SELENOO: variants seen among roughly 807,000 people sequenced by gnomAD.
SELENOO encodes protein adenylyltransferase SelO, mitochondrial.
A neutral mutation model predicts 58.7 loss-of-function variants in SELENOO; 74 were observed. That is an observed-to-expected ratio of 1.26 (90% CI 1.04 to 1.53). The LOEUF (loss-of-function observed/expected upper bound fraction) is 1.53, where lower values mean the gene tolerates loss of function less well. SELENOO is among the 40% of genes most tolerant of loss of function. The probability of loss-of-function intolerance (pLI) is 0.00; values close to 1 mark genes in which losing one functional copy is unlikely to be tolerated. For synonymous variants in SELENOO, 543 were observed against 453.2 expected (o/e 1.20, Z -2.52); for missense variants, 1,149 against 970.0 (o/e 1.18, Z -2.45).
Position 50,206,191 on chromosome 22 carries a change from C to T in SELENOO, c.555-126C>T, listed in dbSNP as rs947464569. On this transcript the variant is annotated intron_variant, in intron 1 of 8. Coordinates refer to ENST00000380903, the MANE Select transcript of SELENOO (RefSeq NM_031454.2). Reference sequence around the variant, plus strand: ...GGCACCTGATGTCACCTGGGACGGGCGGTTTTCAGGGACGTGCAAGCTGCT... The same window carrying T: ...GGCACCTGATGTCACCTGGGACGGGTGGTTTTCAGGGACGTGCAAGCTGCT... 5.3e-6 allele frequency: 4 copies of T among 750,606 alleles called. No individual in the cohort carries two copies. The African/African-American group carries it at 6.9e-5, about 13-fold the overall frequency. 46.5% of individuals were successfully genotyped at this position (750,606 alleles called of 1,614,324 possible). A position where few individuals can be genotyped will look rare whatever the true frequency, so the allele number is the denominator to read the frequency against.
In SELENOO at chr22:50,217,427, T is replaced by A. The variant is rs551050660; in HGVS notation, c.*58T>A. The A allele has an allele frequency of 1.9e-6, 3 of 1,582,196 alleles. No individual in the cohort carries two copies. The highest frequency in any genetic ancestry group is 2.3e-5 in the South Asian group (2 of 87,966). The stretch of plus-strand genomic sequence containing the variant: ...CCCGAGGCCCCCATGTGCTGCTGAG[T>A]GGCCAAGATGATGCCAGGCTGCCCT... On this transcript the variant is annotated 3_prime_UTR_variant, in exon 9 of 9. Transcript: ENST00000380903.
rs1273345458 is a variant in SELENOO at position 50,210,668 on chromosome 22, A to G, written c.1108A>G (p.Thr370Ala). 6.2e-7 allele frequency: 1 copy of G among 1,612,708 alleles called. No homozygotes were observed. The highest frequency in any genetic ancestry group is 1.3e-5 in the African/African-American group (1 of 74,866). ...PDHVCNASDN[T>A]GRYAYSKQPE... ...CCACGTGTGCAATGCCTCCGACAAC[A>G]CCGGCCGCTACGCGTACAGCAAGCA... Residue 370 changes from threonine (T) to alanine (A), a missense_variant, in exon 5 of 9, where the codon ACC (threonine) becomes GCC (alanine). By Grantham distance (58) the Thr-to-Ala change is moderately conservative (BLOSUM62 0). Transcript: ENST00000380903.
chr22:50,206,328 G>A lies in SELENOO; in HGVS notation c.566G>A (p.Gly189Asp), dbSNP rs746676934. The A allele has an allele frequency of 5.6e-6, 9 of 1,613,768 alleles. No individual in the cohort carries two copies. The highest frequency in any genetic ancestry group is 7.6e-6 in the Non-Finnish European group (9 of 1,179,996). Residue 189 changes from glycine to aspartate, a missense_variant, in exon 2 of 9, where the codon GGT becomes GAT. Coordinates refer to ENST00000380903, the MANE Select transcript of SELENOO (RefSeq NM_031454.2). ...GPTPFSRQAD[G>D]RKVLRSSIRE... ...GTGTTTGGTTTCAGACAGGCCGACG[G>A]TCGCAAGGTCCTACGGTCAAGCATC... is the stretch of plus-strand genomic sequence containing the variant.
At chr22:50,216,253 T>TTTAAC (rs1352130847) in intron 6 of SELENOO, among the ~76,000 whole-genome samples, 3 of 152,210 alleles carry the variant, frequency 2.0e-5, no homozygotes, top group East Asian at 3.8e-4. Flanking sequence ...ATATTGTTGC[T>TTTAAC]TTAACTTAAA....
chr22:50,201,426 G>C lies in SELENOO; in HGVS notation c.390G>C (p.Leu130=), dbSNP rs2064299465. The change falls in exon 1 of 9, where the codon CTG becomes CTC. Residue 130 remains leucine (L), a synonymous_variant. Coordinates refer to ENST00000380903, the MANE Select transcript of SELENOO (RefSeq NM_031454.2). ...TGTTCTTCAGCGGCAACGCGCTCCT[G>C]CCGGGCGCCGAGCCCGCCGCGCACT... ...AALFFSGNAL[L]PGAEPAAHCY... 1 of 1,369,024 alleles carries C rather than the reference G, an allele frequency of 7.3e-7. No homozygotes were observed. The highest frequency in any genetic ancestry group is 3.0e-5 in the Admixed American group (1 of 33,266). 84.8% of individuals were successfully genotyped at this position (1,369,024 alleles called of 1,614,324 possible). A position where few individuals can be genotyped will look rare whatever the true frequency, so the allele number is the denominator to read the frequency against.
At chr22:50,208,877 C>T (rs936440218) in intron 3 of SELENOO, 161 bp downstream of exon 3, 29 of 665,514 alleles carry the variant, frequency 4.4e-5, no homozygotes, top group Admixed American at 2.4e-4. Flanking sequence ...CATGTGTGCT[C>T]GGGCCCTGGG....
Position 50,217,211 on chromosome 22 carries a change from C to G in SELENOO, c.1852C>G (p.Arg618Gly). 1.2e-6 allele frequency: 2 copies of G among 1,611,250 alleles called. No homozygotes were observed. Among genetic ancestry groups the G allele is most frequent in the South Asian group, 1.1e-5 (1 of 91,004 alleles). Residue 618 changes from arginine to glycine, a missense_variant, in exon 9 of 9, where the codon CGG becomes GGG. By Grantham distance (125) the Arg-to-Gly change is moderately radical (BLOSUM62 -2). Transcript: ENST00000380903. ...AERGDFSEVR[R>G]VLKLLETPYH... The stretch of plus-strand genomic sequence containing the variant: ...CACCCTCCTGATCCTCCAGGTGCGG[C>G]GGGTGCTGAAACTACTGGAGACCCC...
chr22:50,211,455 A>T (rs1271322085), intron 5 of SELENOO, among the ~76,000 whole-genome samples: 1 of 152,182 alleles, frequency 6.6e-6, no homozygotes, highest in African/African-American at 2.4e-5. Context: ...TGAGATGGGC[A>T]TTCTTTTCTT....
At chr22:50,202,970 G>A (rs952288201) in intron 1 of SELENOO, among the ~76,000 whole-genome samples, 1 of 152,210 alleles carries the variant, frequency 6.6e-6, no homozygotes, top group East Asian at 1.9e-4. Flanking sequence ...CTTGTTCGTG[G>A]GTTGGATAAC....
At chr22:50,207,333 A>G (rs1162988252) in intron 2 of SELENOO, among the ~76,000 whole-genome samples, 3 of 152,080 alleles carry the variant, frequency 2.0e-5, no homozygotes. Flanking sequence ...CATGTTGGCC[A>G]GGCTGGTCTC....
Position 50,215,823 on chromosome 22 carries a change from C to T in SELENOO, c.1458C>T (p.Ser486=), listed in dbSNP as rs1401904466. Residue 486 remains serine, a synonymous_variant, in exon 6 of 9, where the codon TCC becomes TCT. Coordinates refer to ENST00000380903, the MANE Select transcript of SELENOO (RefSeq NM_031454.2). ...CCAGGCTGATGGAGCAGTGTGCCTC[C>T]CTGGAGGAGCTGAGGCTGGCCTTCC... ...FLARLMEQCA[S]LEELRLAFRP... The T allele has an allele frequency of 3.7e-6, 6 of 1,612,254 alleles. No homozygotes were observed. Among genetic ancestry groups the T allele is most frequent in the Middle Eastern group, 1.7e-4 (1 of 5,986 alleles).
chr22:50,217,046 A>G lies in SELENOO; in HGVS notation c.1763A>G (p.His588Arg). The G allele has an allele frequency of 6.2e-7, 1 of 1,612,550 alleles. No individual in the cohort carries two copies. The highest frequency in any genetic ancestry group is 8.5e-7 in the Non-Finnish European group (1 of 1,179,956). ...CAGGCTGAGCACGTGCGCGTGATGC[A>G]CGCCAACAACCCGAAGTACGTGCTG... Reference protein sequence around the residue: ...AWQAEHVRVMHANNPKYVLRN... With the variant: ...AWQAEHVRVMRANNPKYVLRN... The change falls in exon 8 of 9, where the codon CAC becomes CGC. Residue 588 changes from histidine (H) to arginine (R), a missense_variant. His to Arg is a conservative substitution (Grantham distance 29). Transcript: ENST00000380903.
chr22:50,214,165 T>C (rs928305804), intron 5 of SELENOO, among the ~76,000 whole-genome samples: 1 of 151,318 alleles, frequency 6.6e-6, no homozygotes, highest in Non-Finnish European at 1.5e-5. Context: ...TGAGGGTGGA[T>C]GTGTCTCACT....
At chr22:50,204,978 A>C (rs1741573129) in intron 1 of SELENOO, among the ~76,000 whole-genome samples, 1 of 152,268 alleles carries the variant, frequency 6.6e-6, no homozygotes, top group African/African-American at 2.4e-5. Flanking sequence ...GCAGTGAAAT[A>C]AGCTGGTCAC....
At chr22:50,204,758 C>T (rs922731998) in intron 1 of SELENOO, among the ~76,000 whole-genome samples, 3 of 152,192 alleles carry the variant, frequency 2.0e-5, no homozygotes, top group Non-Finnish European at 2.9e-5. Context: ...AATTAAATCA[C>T]CACATGATTC....
In SELENOO at chr22:50,217,337, G is replaced by A; in HGVS notation, c.1978G>A (p.Ala660Thr). The A allele has an allele frequency of 6.2e-7, 1 of 1,612,902 alleles. No homozygotes were observed. Among genetic ancestry groups the A allele is most frequent in the Non-Finnish European group, 8.5e-7 (1 of 1,179,940 alleles). Residue 660 changes from alanine (A) to threonine (T), a missense_variant, in exon 9 of 9, where the codon GCA (alanine) becomes ACA (threonine). Physicochemically the swap from Ala to Thr is moderately conservative, Grantham distance 58 (BLOSUM62 0). Coordinates refer to ENST00000380903, the MANE Select transcript of SELENOO (RefSeq NM_031454.2). ...CTACAGCAGTAAGCCCCCGCTCTGG[G>A]CAGCAGAACTGTGCGTGACATGATC... ...RSYSSKPPLW[A>T]AELCVTUSS
intron 1 of SELENOO, 184 bp from the exon 2 acceptor site, chr22:50,206,133 T>C (rs1175367454): frequency 3.1e-5 from 19 of 603,970 alleles, no homozygotes; most frequent in Non-Finnish European, 5.0e-5. Context: ...GGCTGTGAGG[T>C]TGCTGGAACT....
chr22:50,213,688 C>T (rs1181520047), intron 5 of SELENOO, among the ~76,000 whole-genome samples: 3 of 152,150 alleles, frequency 2.0e-5, no homozygotes, highest in Non-Finnish European at 4.4e-5. Flanking sequence ...TGCTCTGTCA[C>T]CCAGGCTGGA....
intron 5 of SELENOO, among the ~76,000 whole-genome samples, chr22:50,215,210 ACTC>A (rs1466871441): frequency 3.9e-5 from 6 of 151,988 alleles, no homozygotes; most frequent in African/African-American, 1.5e-4. Context: ...GCTTCTCAAC[ACTC>A]GCTAGCTCCC....
Sources: allele counts gnomAD v4.1 joint callset (sites outside exome capture counted in the v4.1 genomes callset), GRCh38; gene constraint gnomAD v4.1.1; transcripts MANE v1.5; gene names NCBI Gene and HGNC (gene_info 2026-07-23, HGNC 2026-07-21).